EPM2A: variants seen among roughly 807,000 people sequenced by gnomAD.
The protein encoded by EPM2A is EPM2A glucan phosphatase, laforin.
A neutral mutation model predicts 26.5 loss-of-function variants in EPM2A; 21 were observed. The ratio of observed to expected loss-of-function variants is 0.79; its 90% CI spans 0.56 to 1.14. The LOEUF (loss-of-function observed/expected upper bound fraction) is 1.14. Ranked by LOEUF, EPM2A falls within the 50% of genes most tolerant of loss-of-function variation. The pLI is 0.00. For missense variants in EPM2A, 458 were observed against 440.8 expected, an observed-to-expected ratio of 1.04 and a Z score of -0.35; for synonymous variants, 217 against 177.6, an observed-to-expected ratio of 1.22 and a Z score of -1.76.
At chr6:145,648,197 C>G (rs1476047603) in intron 2 of EPM2A, among the ~76,000 whole-genome samples, 1 of 152,132 alleles carries the variant, frequency 6.6e-6, no homozygotes, top group Non-Finnish European at 1.5e-5. Flanking sequence ...GGTGGCAAAA[C>G]CTAATTCTCC....
chr6:145,532,170 G>C (rs1274692579), intron 2 of EPM2A, among the ~76,000 whole-genome samples: 2 of 152,172 alleles, frequency 1.3e-5, no homozygotes, highest in African/African-American at 4.8e-5. Context: ...TAACAGACCT[G>C]TTGCTGCCAC....
At chr6:145,679,441 T>C (rs1368398898) in intron 2 of EPM2A, among the ~76,000 whole-genome samples, 1 of 150,298 alleles carries the variant, frequency 6.7e-6, no homozygotes, top group Non-Finnish European at 1.5e-5. Flanking sequence ...GAAAAATATA[T>C]TTAAAAAGAA....
chr6:145,453,905 G>A (rs914014482), intron 4 of EPM2A, among the ~76,000 whole-genome samples: 1 of 152,062 alleles, frequency 6.6e-6, no homozygotes, highest in African/African-American at 2.4e-5. Context: ...TCATGGTGTT[G>A]TTTTCTTTAA....
At chr6:145,466,400 C>G (rs1028661019) in intron 4 of EPM2A, among the ~76,000 whole-genome samples, 3 of 152,182 alleles carry the variant, frequency 2.0e-5, no homozygotes, top group South Asian at 2.1e-4. Context: ...AAATGCTCAT[C>G]ATCACTGGCC....
In EPM2A at chr6:145,476,951, G is replaced by A. The variant is rs76057196; in HGVS notation, c.555+25571C>T. ...AAGAAAAGAAATAGCATAGATCAGA[G>A]TAAAAATAAATAAAATTGAAATGGA... is the stretch of plus-strand genomic sequence containing the variant. On this transcript the variant is annotated intron_variant, in intron 4 of 4. Transcript: ENST00000638717. Among the ~76,000 whole-genome samples the A allele has an allele frequency of 9.2e-3, 1,391 of 151,610 alleles. 51 individuals are homozygous for A. The highest frequency in any genetic ancestry group is 0.064 in the Admixed American group (981 of 15,214).
At chr6:145,589,719 T>A (rs895442015) in intron 2 of EPM2A, among the ~76,000 whole-genome samples, 1 of 152,044 alleles carries the variant, frequency 6.6e-6, no homozygotes, top group African/African-American at 2.4e-5. Context: ...ATCTTGGTGA[T>A]GCCCTGTATA....
chr6:145,627,429 A>G lies in EPM2A; in HGVS notation c.983T>C (p.Val328Ala). ...CAGGCTGACCAGCTACAGGCTACAC[A>G]CAGAAGAACGAACCTTCCCAAATTT... is the stretch of plus-strand genomic sequence containing the variant. The part of the protein sequence containing the change: ...FQKFGKVRSS[V>A]CSL Residue 328 changes from valine to alanine, a missense_variant, in exon 4 of 4, where the codon GTG (valine) becomes GCG (alanine). Val to Ala is a moderately conservative substitution (Grantham distance 64). Transcript: ENST00000367519. 1 of 1,614,188 alleles carries G rather than the reference A, an allele frequency of 6.2e-7. No individual in the cohort carries two copies. Among genetic ancestry groups the G allele is most frequent in the Non-Finnish European group, 8.5e-7 (1 of 1,180,040 alleles).
At chr6:145,573,529 G>T (rs1780987748) in intron 2 of EPM2A, among the ~76,000 whole-genome samples, 1 of 152,228 alleles carries the variant, frequency 6.6e-6, no homozygotes, top group African/African-American at 2.4e-5. Flanking sequence ...TGGGAGAGTT[G>T]AACAGGGATG....
chr6:145,496,605 C>T (rs1779823223), downstream of EPM2A, among the ~76,000 whole-genome samples: 1 of 152,112 alleles, frequency 6.6e-6, no homozygotes, highest in African/African-American at 2.4e-5. Context: ...CTTTTCTCTG[C>T]TTGGTCTATT....
intron 2 of EPM2A, among the ~76,000 whole-genome samples, chr6:145,679,907 CT>C (rs1486705242): frequency 2.0e-5 from 3 of 151,942 alleles, no homozygotes; most frequent in Admixed American, 2.0e-4. Context: ...ACGTGGAATA[CT>C]GATCTCATGA....
intron 2 of EPM2A, among the ~76,000 whole-genome samples, chr6:145,553,815 T>G (rs1174304804): frequency 6.8e-6 from 1 of 147,736 alleles, no homozygotes; most frequent in Non-Finnish European, 1.5e-5. Flanking sequence ...ATTATTATAT[T>G]TAGTATATAT....
At chr6:145,387,370 C>T (rs1020050571) in intron 4 of EPM2A, among the ~76,000 whole-genome samples, 20 of 152,116 alleles carry the variant, frequency 1.3e-4, no homozygotes, top group African/African-American at 4.6e-4. Context: ...AAAGAGGCAG[C>T]CCACACATAG....
intron 2 of EPM2A, among the ~76,000 whole-genome samples, chr6:145,513,109 TAAAC>T (rs1459442098): frequency 6.6e-6 from 1 of 152,014 alleles, no homozygotes; most frequent in African/African-American, 2.4e-5. Context: ...AATAACAGCA[TAAAC>T]AGACAACCTT....
At chr6:145,719,217 C>T (rs1265216329) in intron 1 of EPM2A, among the ~76,000 whole-genome samples, 11 of 150,018 alleles carry the variant, frequency 7.3e-5, no homozygotes, top group African/African-American at 2.7e-4. Flanking sequence ...GACTTGGAAC[C>T]AACCCAAATG....
intron 2 of EPM2A, among the ~76,000 whole-genome samples, chr6:145,601,763 G>C (rs1024166635): frequency 6.6e-6 from 1 of 152,114 alleles, no homozygotes; most frequent in South Asian, 2.1e-4. Flanking sequence ...CCCAGCTTCC[G>C]TGCAAGTAGA....
At chr6:145,543,942 C>T (rs2114797344) in intron 2 of EPM2A, among the ~76,000 whole-genome samples, 2 of 152,344 alleles carry the variant, frequency 1.3e-5, no homozygotes, top group South Asian at 4.1e-4. Context: ...TATTTCTCAA[C>T]TTTACCAACT....
intron 4 of EPM2A, among the ~76,000 whole-genome samples, chr6:145,440,540 A>G (rs1032394033): frequency 6.6e-6 from 1 of 152,214 alleles, no homozygotes; most frequent in African/African-American, 2.4e-5. Flanking sequence ...TCCACAGTCC[A>G]AAGTCTCATC....
intron 4 of EPM2A, among the ~76,000 whole-genome samples, chr6:145,462,552 A>G (rs1034781344): frequency 1.9e-4 from 29 of 152,188 alleles, no homozygotes; most frequent in African/African-American, 6.3e-4. Context: ...AATTAAAAGC[A>G]ATGAATCTTG....
chr6:145,735,720 T>A (rs1361248491), upstream of EPM2A: 2 of 877,610 alleles, frequency 2.3e-6, no homozygotes, highest in Non-Finnish European at 2.8e-6. Flanking sequence ...GCTAGCTGCC[T>A]CTTTGTGCCC....
Sources: allele counts gnomAD v4.1 joint callset (sites outside exome capture counted in the v4.1 genomes callset), GRCh38; gene constraint gnomAD v4.1.1; transcripts MANE v1.5; gene names NCBI Gene and HGNC (gene_info 2026-07-23, HGNC 2026-07-21).